The following ME3 variants were observed in gnomAD, a reference collection of about 807,000 sequenced individuals.
ME3 encodes the protein NADP-dependent malic enzyme, mitochondrial.
Under a neutral mutation model 68.9 loss-of-function variants are expected in ME3, and 48 were observed. That is an observed-to-expected ratio of 0.70 (90% CI 0.55 to 0.89). ME3 has a LOEUF of 0.89. Ranked by LOEUF, ME3 falls within the 40% of genes least tolerant of loss-of-function variation. The pLI is 0.00. For missense variants in ME3, 675 were observed against 797.4 expected, an observed-to-expected ratio of 0.85 and a Z score of 1.85; for synonymous variants, 320 against 318.8, an observed-to-expected ratio of 1.00 and a Z score of -0.04.
intron 2 of ME3, among the ~76,000 whole-genome samples, chr11:86,564,460 A>AG (rs1957383925): frequency 3.0e-5 from 1 of 33,396 alleles, no homozygotes; most frequent in East Asian, 1.0e-3. Flanking sequence ...ACAAAGCTAC[A>AG]GGAAAAAAAA....
intron 7 of ME3, among the ~76,000 whole-genome samples, chr11:86,466,092 T>C (rs1950465892): frequency 6.6e-6 from 1 of 152,072 alleles, no homozygotes; most frequent in South Asian, 2.1e-4. Flanking sequence ...TTTGTTCGAG[T>C]TTTGTAACCT....
chr11:86,565,145 A>T (rs138104335), intron 2 of ME3, among the ~76,000 whole-genome samples: 1 of 152,244 alleles, frequency 6.6e-6, no homozygotes, highest in East Asian at 1.9e-4. Flanking sequence ...AATATGATAC[A>T]CTGTACCACT....
chr11:86,486,933 A>G (rs1594143447), intron 7 of ME3, among the ~76,000 whole-genome samples: 1 of 152,250 alleles, frequency 6.6e-6, no homozygotes, highest in Non-Finnish European at 1.5e-5. Flanking sequence ...AGAGGTGGAA[A>G]ATAACCAAAT....
intron 2 of ME3, among the ~76,000 whole-genome samples, chr11:86,655,781 CA>C (rs1187662418): frequency 6.6e-6 from 1 of 151,332 alleles, no homozygotes; most frequent in Non-Finnish European, 1.5e-5. Context: ...TTCTGCACAG[CA>C]AAAGAAACTA....
chr11:86,612,081 C>A (rs1942624278), intron 2 of ME3, among the ~76,000 whole-genome samples: 1 of 152,190 alleles, frequency 6.6e-6, no homozygotes, highest in Non-Finnish European at 1.5e-5. Context: ...CAACCCCCAA[C>A]AGGACCTGGT....
At chr11:86,639,240 C>G (rs1944524551) in intron 2 of ME3, among the ~76,000 whole-genome samples, 1 of 152,150 alleles carries the variant, frequency 6.6e-6, no homozygotes. Flanking sequence ...GGAGTAATGC[C>G]TTTTCCTTTA....
At chr11:86,534,314 C>A (rs1482612675) in intron 4 of ME3, among the ~76,000 whole-genome samples, 1 of 152,036 alleles carries the variant, frequency 6.6e-6, no homozygotes, top group Non-Finnish European at 1.5e-5. Context: ...TTAACCTTAG[C>A]TTACTGTGAC....
At chr11:86,534,084 TATATA>T (rs1955475779) in intron 4 of ME3, among the ~76,000 whole-genome samples, 54 of 854 alleles carry the variant, frequency 0.063, no homozygotes, top group African/African-American at 0.15. Context: ...TGTGTGTGTA[TATATA>T]TATATATATA....
At chr11:86,598,358 G>A (rs946017636) in intron 2 of ME3, among the ~76,000 whole-genome samples, 3 of 152,318 alleles carry the variant, frequency 2.0e-5, no homozygotes, top group East Asian at 3.9e-4. Context: ...TAGCACAGCA[G>A]TCTAAGATCA....
At chr11:86,509,481 G>A (rs1283897294) in intron 4 of ME3, among the ~76,000 whole-genome samples, 1 of 152,200 alleles carries the variant, frequency 6.6e-6, no homozygotes, top group Non-Finnish European at 1.5e-5. Context: ...TATTGGAGGG[G>A]AATCAAGCTT....
At chr11:86,526,360 A>T (rs751636701) in intron 4 of ME3, among the ~76,000 whole-genome samples, 1 of 152,158 alleles carries the variant, frequency 6.6e-6, no homozygotes, top group East Asian at 1.9e-4. Flanking sequence ...TAGGTAAACA[A>T]AGCAGCCGGG....
exon 6 of ME3, chr11:86,498,119 C>T (rs534121698): frequency 1.9e-6 from 3 of 1,609,414 alleles, no homozygotes; most frequent in South Asian, 2.2e-5. Context: ...CAGTCACCAC[C>T]ACGGCCTGAA....
At chr11:86,533,443 T>C (rs949715808) in intron 4 of ME3, among the ~76,000 whole-genome samples, 2 of 152,140 alleles carry the variant, frequency 1.3e-5, no homozygotes, top group Non-Finnish European at 1.5e-5. Context: ...GACTGAATCA[T>C]GAAGAAATAG....
chr11:86,615,001 C>T (rs893733923), intron 2 of ME3, among the ~76,000 whole-genome samples: 30 of 151,338 alleles, frequency 2.0e-4, no homozygotes, highest in African/African-American at 6.8e-4. Flanking sequence ...TAAGAATACA[C>T]ACATTCTGGC....
At chr11:86,588,763 T>C (rs1958884649) in intron 2 of ME3, among the ~76,000 whole-genome samples, 2 of 152,144 alleles carry the variant, frequency 1.3e-5, no homozygotes, top group Admixed American at 1.3e-4. Flanking sequence ...GCTCAATTCA[T>C]TTCTAGTGAA....
At chr11:86,475,908 A>AAGAGAG (rs1277347481) in intron 7 of ME3, among the ~76,000 whole-genome samples, 1 of 126,830 alleles carries the variant, frequency 7.9e-6, no homozygotes, top group Non-Finnish European at 1.7e-5. Context: ...GAGAAAGAGA[A>AAGAGAG]AGAGAGAGAG....
At chr11:86,592,094 A>G (rs4319536) in intron 2 of ME3, among the ~76,000 whole-genome samples, 109,546 of 152,164 alleles carry the variant, frequency 0.72, 40,446 homozygotes, top group Non-Finnish European at 0.79. Flanking sequence ...TCACCACCTG[A>G]GAACTGGGAC....
Position 86,551,280 on chromosome 11 carries a change from G to A in ME3, c.467+5273C>T, listed in dbSNP as rs150446925. On this transcript the variant is annotated intron_variant, in intron 4 of 14. Transcript: ENST00000543262. ...ACAAGGTGGATAGTTCCTGTGATCC[G>A]AGCTTGGAGCTGTGGAGTAGCTCCA... Among the ~76,000 whole-genome samples, 442 of 152,218 alleles carry A rather than the reference G, an allele frequency of 2.9e-3. 4 individuals are homozygous for A. Among genetic ancestry groups the A allele is most frequent in the African/African-American group, 0.01 (431 of 41,536 alleles).
intron 2 of ME3, among the ~76,000 whole-genome samples, chr11:86,670,800 T>C (rs750456098): frequency 1.3e-5 from 2 of 152,204 alleles, no homozygotes; most frequent in Non-Finnish European, 2.9e-5. Flanking sequence ...ATTCAGCACT[T>C]TATACAGTTT....
Sources: allele counts gnomAD v4.1 joint callset (sites outside exome capture counted in the v4.1 genomes callset), GRCh38; gene constraint gnomAD v4.1.1; transcripts MANE v1.5; gene names NCBI Gene and HGNC (gene_info 2026-07-23, HGNC 2026-07-21).